Variants in PTP4A3 observed in about 807,000 individuals in gnomAD.
PTP4A3 encodes protein tyrosine phosphatase type IVA 3.
A neutral mutation model predicts 15.2 loss-of-function variants in PTP4A3; 9 were observed. That is an observed-to-expected ratio of 0.59 (90% CI 0.36 to 1.03). The LOEUF is 1.03. Among genes scored for constraint, PTP4A3 ranks in the 50% least tolerant of loss-of-function variants. The probability of loss-of-function intolerance (pLI) is 0.02; values close to 1 mark genes in which losing one functional copy is unlikely to be tolerated. For synonymous variants in PTP4A3, 95 were observed against 102.0 expected, an observed-to-expected ratio of 0.93 and a Z score of 0.41; for missense variants, 234 against 252.1, an observed-to-expected ratio of 0.93 and a Z score of 0.49.
rs1362672823 is a variant in PTP4A3 at position 141,427,738 on chromosome 8, G to C, written c.330-12G>C. Reference sequence around the variant, plus strand: ...AGGCTCCGATGACCCCCGCCCTGCTGTTTGCCCCCAGGGCTCCAGTCCTTG... The same window carrying C: ...AGGCTCCGATGACCCCCGCCCTGCTCTTTGCCCCCAGGGCTCCAGTCCTTG... On this transcript the variant is annotated splice_polypyrimidine_tract_variant and intron_variant, in intron 4 of 5. Transcript: ENST00000521578. The C allele has an allele frequency of 5.2e-6, 8 of 1,549,468 alleles. No homozygotes were observed. In the African/African-American group the frequency reaches 9.6e-5, roughly 19 times the overall value.
intron 1 of PTP4A3, among the ~76,000 whole-genome samples, chr8:141,396,515 G>T (rs747007168): frequency 4.6e-5 from 7 of 152,176 alleles, no homozygotes; most frequent in Non-Finnish European, 8.8e-5. Flanking sequence ...CTCTCTCACC[G>T]AGCCCACAGC....
At chr8:141,400,546 A>G (rs1405102063) in intron 1 of PTP4A3, among the ~76,000 whole-genome samples, 3 of 152,138 alleles carry the variant, frequency 2.0e-5, no homozygotes, top group Non-Finnish European at 4.4e-5. Flanking sequence ...ATGCTTGTTT[A>G]TTAACCAGCC....
intron 1 of PTP4A3, among the ~76,000 whole-genome samples, chr8:141,397,220 C>T (rs745464053): frequency 2.6e-5 from 4 of 152,194 alleles, no homozygotes; most frequent in Non-Finnish European, 5.9e-5. Context: ...CTGTGCCAAC[C>T]TCATCCTGGT....
At chr8:141,418,732 C>T (rs1403700451) in intron 1 of PTP4A3, among the ~76,000 whole-genome samples, 2 of 152,178 alleles carry the variant, frequency 1.3e-5, no homozygotes, top group Non-Finnish European at 2.9e-5. Flanking sequence ...ACTCAGGACA[C>T]ATGGAGGCAG....
At chr8:141,410,700 A>G (rs1331324169) in intron 1 of PTP4A3, among the ~76,000 whole-genome samples, 1 of 152,110 alleles carries the variant, frequency 6.6e-6, no homozygotes, top group Admixed American at 6.5e-5. Context: ...CAGCGAACCC[A>G]TCCTACAGAT....
At chr8:141,401,710 G>T (rs1014801673) in intron 1 of PTP4A3, among the ~76,000 whole-genome samples, 2 of 152,214 alleles carry the variant, frequency 1.3e-5, no homozygotes, top group Non-Finnish European at 1.5e-5. Flanking sequence ...ACAGCCATCG[G>T]CTCAGAGGTC....
At chr8:141,428,350 TTGG>T (rs1833684558) in intron 5 of PTP4A3, among the ~76,000 whole-genome samples, 3 of 145,646 alleles carry the variant, frequency 2.1e-5, no homozygotes, top group Admixed American at 1.4e-4. Flanking sequence ...TCCCTGTCAC[TTGG>T]TGGCCTCCCT....
intron 2 of PTP4A3, among the ~76,000 whole-genome samples, chr8:141,422,992 G>A (rs546254144): frequency 3.3e-4 from 50 of 152,348 alleles, no homozygotes; most frequent in Non-Finnish European, 1.6e-4. Context: ...ACGCCCTGCT[G>A]TTTGCAGGCC....
chr8:141,422,651 A>G (rs7001151), intron 2 of PTP4A3, among the ~76,000 whole-genome samples: 59,030 of 151,974 alleles, frequency 0.39, 12,973 homozygotes, highest in Non-Finnish European at 0.49. Context: ...AGGGGGATAC[A>G]TGGACCAGGC....
chr8:141,412,253 C>G (rs899727391), intron 1 of PTP4A3, among the ~76,000 whole-genome samples: 1 of 152,206 alleles, frequency 6.6e-6, no homozygotes, highest in Non-Finnish European at 1.5e-5. Context: ...CAAGGTCCAG[C>G]CACCCTCAGG....
chr8:141,412,713 C>T (rs1443045530), intron 1 of PTP4A3, among the ~76,000 whole-genome samples: 2 of 152,240 alleles, frequency 1.3e-5, no homozygotes, highest in Admixed American at 6.5e-5. Context: ...CACTGCCCAC[C>T]CTGCCCTCTC....
chr8:141,409,274 G>A (rs562848875), intron 1 of PTP4A3, among the ~76,000 whole-genome samples: 5 of 152,360 alleles, frequency 3.3e-5, no homozygotes, highest in South Asian at 2.1e-4. Flanking sequence ...TTCCTGGCCC[G>A]GGGCTGTCTC....
At position 141,422,265 on chromosome 8, in the gene PTP4A3, C is replaced by A; in HGVS notation, c.25C>A (p.Pro9Thr). ...CATGGCTCGGATGAACCGCCCGGCC[C>A]CGGTGGAGGTGAGCTACAAACACAT... is the stretch of plus-strand genomic sequence containing the variant. MARMNRPA[P>T]VEVSYKHMRF... The change falls in exon 2 of 6, where the codon CCG becomes ACG. Residue 9 changes from proline (P) to threonine (T), a missense_variant. Coordinates refer to ENST00000521578, the MANE Select transcript of PTP4A3 (RefSeq NM_032611.3). The A allele has an allele frequency of 3.7e-6, 6 of 1,613,064 alleles. No homozygotes were observed. Among genetic ancestry groups the A allele is most frequent in the Non-Finnish European group, 5.1e-6 (6 of 1,179,994 alleles).
At position 141,425,150 on chromosome 8, in the gene PTP4A3, G is replaced by A. The variant is rs1488151819; in HGVS notation, c.198+10G>A. The A allele has an allele frequency of 5.3e-6, 8 of 1,503,576 alleles. No individual in the cohort carries two copies. Among genetic ancestry groups the A allele is most frequent in the Admixed American group, 1.7e-5 (1 of 57,170 alleles). The allele number at this position is 1,503,576 out of a possible 1,614,324, so 93.1% of individuals were successfully genotyped here. A position where few individuals can be genotyped will look rare whatever the true frequency, so the allele number is the denominator to read the frequency against. ...TGGCATCACCGTTGTGGTGAGGCGCGCGCCACGGGGACCCTAGTCACTGCT... is the reference window on the plus strand; with the variant it reads ...TGGCATCACCGTTGTGGTGAGGCGCACGCCACGGGGACCCTAGTCACTGCT... On this transcript the variant is annotated intron_variant, in intron 3 of 5. Transcript: ENST00000521578. This position sits in a 1 kb window ranked among gnomAD's most constrained non-coding sequence, Gnocchi z 4.2.
At chr8:141,395,098 C>T (rs930112227) in intron 1 of PTP4A3, among the ~76,000 whole-genome samples, 8 of 152,196 alleles carry the variant, frequency 5.3e-5, no homozygotes, top group Non-Finnish European at 7.4e-5. Flanking sequence ...CTGAGAGCTG[C>T]GCTCTTTAGC....
intron 1 of PTP4A3, among the ~76,000 whole-genome samples, chr8:141,400,990 C>T (rs1563724629): frequency 6.6e-6 from 1 of 152,050 alleles, no homozygotes. Context: ...ATGCACGAGG[C>T]ACCAGGAAGG....
chr8:141,425,252 C>A lies in PTP4A3; in HGVS notation c.198+112C>A, dbSNP rs541261871. 34 of 1,101,896 alleles carry A rather than the reference C, an allele frequency of 3.1e-5. No homozygotes were observed. The South Asian group carries it at 4.8e-4, about 16-fold the overall frequency. 68.3% of individuals were successfully genotyped at this position (1,101,896 alleles called of 1,614,324 possible). ...GTGCCCCTCCTGTGGCAGCCCTGGG[C>A]ATGTCTGTGCCTGGGCCACGTGTGT... On this transcript the variant is annotated intron_variant, in intron 3 of 5. Coordinates refer to ENST00000521578, the MANE Select transcript of PTP4A3 (RefSeq NM_032611.3). The surrounding 1 kb of genome is among the most constrained non-coding windows in gnomAD (Gnocchi z 4.2).
Position 141,406,521 on chromosome 8 carries a change from G to A in PTP4A3, c.-854+14437G>A, listed in dbSNP as rs768092903. On this transcript the variant is annotated intron_variant, in intron 1 of 5. Transcript: ENST00000521578. This position sits in a 1 kb window ranked among gnomAD's most constrained non-coding sequence, Gnocchi z 4.5. ...TGCCTCTGGCCCTTGCTCAAGCCGCGCCCCCATCTGGATGCCCACTTCTTC... is the reference window on the plus strand; with the variant it reads ...TGCCTCTGGCCCTTGCTCAAGCCGCACCCCCATCTGGATGCCCACTTCTTC... 3.3e-5 allele frequency among the ~76,000 whole-genome samples: 5 copies of A among 151,998 alleles called. No individual in the cohort carries two copies. The highest frequency in any genetic ancestry group is 4.8e-5 in the African/African-American group (2 of 41,384).
intron 1 of PTP4A3, among the ~76,000 whole-genome samples, chr8:141,401,273 T>A (rs868393602): frequency 1.3e-5 from 2 of 152,062 alleles, no homozygotes; most frequent in Non-Finnish European, 2.9e-5. Flanking sequence ...CACCTGCACA[T>A]CTGCACGTCC....
Sources: gnomAD v4.1 joint callset for allele counts (sites outside exome capture counted in the v4.1 genomes callset) on GRCh38, gnomAD v4.1.1 for gene constraint, Gnocchi (gnomAD v3.1) non-coding constraint, MANE v1.5 for transcripts, NCBI Gene and HGNC (gene_info 2026-07-23, HGNC 2026-07-21) for gene names.